Variants in PDE1C observed in about 807,000 individuals in gnomAD.
The protein encoded by PDE1C is dual specificity calcium/calmodulin-dependent 3',5'-cyclic nucleotide phosphodiesterase 1C.
Under a neutral mutation model 93.1 loss-of-function variants are expected in PDE1C, and 62 were observed. The ratio of observed to expected loss-of-function variants is 0.67; its 90% confidence interval spans 0.54 to 0.82. The LOEUF is 0.82. PDE1C is among the 40% of genes least tolerant of loss of function. The pLI, the probability that PDE1C is intolerant of heterozygous loss-of-function variation, is 0.00. For missense variants in PDE1C, 742 were observed against 884.6 expected (o/e 0.84, Z 2.04); for synonymous variants, 325 against 310.1 (o/e 1.05, Z -0.50).
At chr7:31,692,401 C>T in the PDE1C span, 1 of 1,477,478 alleles carries the variant, frequency 6.8e-7, no homozygotes, top group South Asian at 1.1e-5. Flanking sequence ...TTTATACTTC[C>T]TTAGTGCTGG....
chr7:32,006,121 G>T lies in PDE1C; in HGVS notation c.128+45433C>A, dbSNP rs562127782. Among the ~76,000 whole-genome samples the T allele has an allele frequency of 2.6e-5, 4 of 152,152 alleles. No individual in the cohort carries two copies. The South Asian group carries it at 8.3e-4, about 32-fold the overall frequency. ...TCTGACTGAAAAGTCAAACAGGTAAGAAAAGACACAGGAGTTTTATTTGTT... is the reference window on the plus strand; with the variant it reads ...TCTGACTGAAAAGTCAAACAGGTAATAAAAGACACAGGAGTTTTATTTGTT... On this transcript the variant is annotated intron_variant, in intron 2 of 17. Coordinates refer to ENST00000396191, the MANE Select transcript of PDE1C (RefSeq NM_001191057.4).
intron 2 of PDE1C, among the ~76,000 whole-genome samples, chr7:32,192,756 C>T (rs1174145767): frequency 2.0e-5 from 3 of 152,152 alleles, no homozygotes; most frequent in Non-Finnish European, 4.4e-5. Flanking sequence ...GTTAAATCTG[C>T]ATATAATTAT....
At chr7:31,694,980 G>A in the PDE1C span, among the ~76,000 whole-genome samples, 1 of 152,164 alleles carries the variant, frequency 6.6e-6, no homozygotes, top group East Asian at 1.9e-4. Context: ...GGATCACCAG[G>A]AGGATGAGAC....
chr7:32,022,412 G>T (rs181465037), intron 2 of PDE1C, among the ~76,000 whole-genome samples: 1 of 152,144 alleles, frequency 6.6e-6, no homozygotes, highest in East Asian at 1.9e-4. Flanking sequence ...AACAGAGGAG[G>T]TAAGACTTGA....
rs1470841377 is a variant in PDE1C at position 31,881,009 on chromosome 7, TAATAA to T, written c.129-154_129-150del. The T allele has an allele frequency of 2.5e-5, 15 of 603,108 alleles. No individual in the cohort carries two copies. The African/African-American group carries it at 2.7e-4, about 11-fold the overall frequency. 37.4% of individuals were successfully genotyped at this position (603,108 alleles called of 1,614,324 possible). ...ATAATTATGGGACCAAAGGAGCAGGTAATAAAATAAATGTATACATTTTTGCCATT... is the reference window on the plus strand; with the variant it reads ...ATAATTATGGGACCAAAGGAGCAGGTAATAAATGTATACATTTTTGCCATT... On this transcript the variant is annotated intron_variant, in intron 2 of 17. Coordinates refer to ENST00000396191, the MANE Select transcript of PDE1C (RefSeq NM_001191057.4).
At chr7:31,849,510 T>C (rs1793061477) in intron 8 of PDE1C, among the ~76,000 whole-genome samples, 1 of 152,208 alleles carries the variant, frequency 6.6e-6, no homozygotes, top group African/African-American at 2.4e-5. Flanking sequence ...TCTGCTTCCA[T>C]TCAATTAAAA....
chr7:31,984,237 G>A (rs1418012319), intron 2 of PDE1C, among the ~76,000 whole-genome samples: 1 of 152,214 alleles, frequency 6.6e-6, no homozygotes, highest in South Asian at 2.1e-4. Context: ...GATCAACTGA[G>A]GCATTAGATT....
chr7:31,667,699 G>A, the PDE1C span, among the ~76,000 whole-genome samples: 2 of 152,010 alleles, frequency 1.3e-5, no homozygotes, highest in Non-Finnish European at 2.9e-5. Context: ...GTAGACAATA[G>A]GATCATGATG....
the PDE1C span, among the ~76,000 whole-genome samples, chr7:31,618,725 T>A: frequency 6.6e-6 from 1 of 152,196 alleles, no homozygotes; most frequent in African/African-American, 2.4e-5. Context: ...CCAAGGCTCT[T>A]AAAAGCTAAG....
chr7:32,262,592 A>G (rs1438043909), intron 1 of PDE1C, among the ~76,000 whole-genome samples: 1 of 152,142 alleles, frequency 6.6e-6, no homozygotes, highest in Non-Finnish European at 1.5e-5. Context: ...AAAGCCACCA[A>G]CACTACTGCA....
chr7:31,694,869 A>G, the PDE1C span, among the ~76,000 whole-genome samples: 1 of 152,166 alleles, frequency 6.6e-6, no homozygotes, highest in Non-Finnish European at 1.5e-5. Context: ...AGAAAAGTAA[A>G]TAAATGAGTC....
intron 1 of PDE1C, among the ~76,000 whole-genome samples, chr7:32,380,017 G>A (rs1009954824): frequency 1.3e-5 from 2 of 152,044 alleles, no homozygotes; most frequent in Admixed American, 1.3e-4. Context: ...ATTGCTCCCT[G>A]TCTCCTGTAT....
intron 3 of PDE1C, among the ~76,000 whole-genome samples, chr7:32,136,837 C>G (rs956832273): frequency 3.9e-5 from 6 of 152,126 alleles, no homozygotes; most frequent in African/African-American, 1.2e-4. Flanking sequence ...AAAACATCTC[C>G]CTCCTTTCGC....
Position 32,090,183 on chromosome 7 carries a change from T to TCTTA in PDE1C, c.308+79601_308+79602insTAAG, listed in dbSNP as rs3078638. ...GCAGCCTTACTGTTAATAACATAAA[T>TCTTA]AAAAAAATAGTAAAATAACAACACT... On this transcript the variant is annotated intron_variant, in intron 3 of 18. Coordinates refer to the PDE1C transcript ENST00000396193. Among the ~76,000 whole-genome samples the TCTTA allele has an allele frequency of 3.3e-5, 5 of 151,754 alleles. No individual in the cohort carries two copies. The South Asian group carries it at 1.0e-3, about 32-fold the overall frequency.
chr7:31,845,563 G>T (rs1792460388), intron 9 of PDE1C, among the ~76,000 whole-genome samples: 1 of 152,040 alleles, frequency 6.6e-6, no homozygotes, highest in South Asian at 2.1e-4. Flanking sequence ...AGCATTAGGA[G>T]AAATACCTAA....
chr7:32,347,437 C>T (rs551345631), intron 1 of PDE1C, among the ~76,000 whole-genome samples: 121 of 152,224 alleles, frequency 7.9e-4, no homozygotes, highest in African/African-American at 2.7e-3. Context: ...CTCTGTGGAT[C>T]CTGCCCCCTG....
chr7:31,920,326 C>T (rs532964544), intron 2 of PDE1C, among the ~76,000 whole-genome samples: 2 of 152,250 alleles, frequency 1.3e-5, no homozygotes, highest in Admixed American at 6.5e-5. Flanking sequence ...TTTTTCCCCT[C>T]CCCCTAAATC....
intron 1 of PDE1C, among the ~76,000 whole-genome samples, chr7:32,246,202 C>T (rs1013874877): frequency 6.6e-6 from 1 of 152,040 alleles, no homozygotes; most frequent in Non-Finnish European, 1.5e-5. Flanking sequence ...TTCCTGGGCT[C>T]GAGCAATCCT....
intron 3 of PDE1C, among the ~76,000 whole-genome samples, chr7:32,106,984 GAA>G (rs58361423): frequency 1.5e-3 from 212 of 137,850 alleles, no homozygotes; most frequent in African/African-American, 3.7e-3. Context: ...GAAACTCTAA[GAA>G]AAAAAAAAAA....
Sources: allele counts gnomAD v4.1 joint callset (sites outside exome capture counted in the v4.1 genomes callset), GRCh38; gene constraint gnomAD v4.1.1; transcripts MANE v1.5; gene names NCBI Gene and HGNC (gene_info 2026-07-23, HGNC 2026-07-21).